LRSAM1: variants seen among roughly 807,000 people sequenced by gnomAD.
LRSAM1 encodes E3 ubiquitin-protein ligase LRSAM1.
LRSAM1 carries 96 observed loss-of-function variants against 118.1 expected under a neutral mutation model. The observed-to-expected ratio is 0.81, with a 90% CI of 0.69 to 0.96. The LOEUF is 0.96. Among genes scored for constraint, LRSAM1 ranks in the 40% least tolerant of loss-of-function variants. The pLI, the probability that LRSAM1 is intolerant of heterozygous loss-of-function variation, is 0.00. For synonymous variants in LRSAM1, 322 were observed against 364.2 expected, an observed-to-expected ratio of 0.88 and a Z score of 1.32; for missense variants, 804 against 915.5, an observed-to-expected ratio of 0.88 and a Z score of 1.57.
rs1835774472 is a variant in LRSAM1 at position 127,487,466 on chromosome 9, A to G, written c.1260-210A>G. 1.5e-5 allele frequency: 8 copies of G among 524,882 alleles called. 2 individuals carry two copies. In the Admixed American group the frequency reaches 1.9e-4, roughly 12 times the overall value. The allele number at this position is 524,882 out of a possible 1,614,324, so 32.5% of individuals were successfully genotyped here. On this transcript the variant is annotated intron_variant, in intron 17 of 25. Transcript: ENST00000300417. ...GAGGACCTGGAAGCATCTCTCTCCC[A>G]GCTCCCAACTCGATCCCCTTCCCTC...
At chr9:127,479,326 T>C in intron 12 of LRSAM1, 57 bp from the exon 13 acceptor site, 1 of 1,613,284 alleles carries the variant, frequency 6.2e-7, no homozygotes, top group Non-Finnish European at 8.5e-7. Context: ...TCCCGACTTC[T>C]GTGTCCTAAC....
intron 9 of LRSAM1, among the ~76,000 whole-genome samples, chr9:127,464,828 A>C (rs1029059737): frequency 1.3e-5 from 2 of 151,796 alleles, no homozygotes; most frequent in Admixed American, 1.3e-4. Context: ...TTTTTTGTAG[A>C]GATGAGGTCC....
chr9:127,498,632 C>A (rs1836247135), intron 24 of LRSAM1, among the ~76,000 whole-genome samples: 1 of 152,242 alleles, frequency 6.6e-6, no homozygotes, highest in South Asian at 2.1e-4. Context: ...CTGCTCAGGG[C>A]TTCCTGCTTG....
At chr9:127,501,906 A>T (rs1398114821) in intron 25 of LRSAM1, among the ~76,000 whole-genome samples, 1 of 152,248 alleles carries the variant, frequency 6.6e-6, no homozygotes, top group Non-Finnish European at 1.5e-5. Context: ...GACTCATGCC[A>T]TGATATGGAT....
At chr9:127,485,857 C>T (rs773571707) in intron 17 of LRSAM1, 22 bp downstream of exon 17, 1 of 1,611,244 alleles carries the variant, frequency 6.2e-7, no homozygotes, top group Non-Finnish European at 8.5e-7. Context: ...AAGAGGAGTC[C>T]CAGGTGAGGG....
chr9:127,457,491 G>A (rs1834563951), intron 6 of LRSAM1, 98 bp downstream of exon 6: 2 of 1,071,042 alleles, frequency 1.9e-6, no homozygotes, highest in African/African-American at 3.1e-5. Context: ...CATGTCAGAG[G>A]GGCCCAATCT....
intron 11 of LRSAM1, among the ~76,000 whole-genome samples, chr9:127,476,663 G>T (rs950917546): frequency 1.3e-5 from 2 of 152,046 alleles, no homozygotes; most frequent in Non-Finnish European, 2.9e-5. Flanking sequence ...ATTTTCGAGG[G>T]TGATGGAATT....
intron 5 of LRSAM1, among the ~76,000 whole-genome samples, chr9:127,456,950 G>A (rs973456124): frequency 3.3e-5 from 5 of 152,028 alleles, no homozygotes; most frequent in Middle Eastern, 6.9e-3. Context: ...GAAGTTTTGC[G>A]CATGAGCTTT....
chr9:127,459,199 T>G, intron 7 of LRSAM1, 128 bp downstream of exon 7: 31 of 766,448 alleles, frequency 4.0e-5, no homozygotes, highest in Non-Finnish European at 5.7e-5. Context: ...AGCTCCACCC[T>G]CCCCTTGGCC....
At chr9:127,469,828 G>A (rs1297731516) in intron 10 of LRSAM1, among the ~76,000 whole-genome samples, 1 of 152,122 alleles carries the variant, frequency 6.6e-6, no homozygotes, top group Non-Finnish European at 1.5e-5. Context: ...AGCAAGGCGT[G>A]GTGGCGGGCG....
chr9:127,503,236 C>G lies in LRSAM1; in HGVS notation c.*337C>G. The G allele has an allele frequency of 2.7e-6, 1 of 372,680 alleles. No individual in the cohort carries two copies. The highest frequency in any genetic ancestry group is 6.5e-5 in the East Asian group (1 of 15,356). The allele number at this position is 372,680 out of a possible 1,614,324, so 23.1% of individuals were successfully genotyped here. ...CTGAAGGCCACCGCCCCTGCAGGAG[C>G]TTGGGTCCTCATCTGGGGGCCATGC... is the stretch of plus-strand genomic sequence containing the variant. On this transcript the variant is annotated 3_prime_UTR_variant, in exon 26 of 26. Coordinates refer to ENST00000300417, the MANE Select transcript of LRSAM1 (RefSeq NM_001005373.4).
At chr9:127,454,899 G>A in intron 3 of LRSAM1, 99 bp from the exon 4 acceptor site, 1 of 1,175,194 alleles carries the variant, frequency 8.5e-7, no homozygotes, top group Non-Finnish European at 1.3e-6. Flanking sequence ...AGTGTCTATG[G>A]TCCTTTGCAG....
chr9:127,458,459 A>G (rs1048597721), intron 6 of LRSAM1, among the ~76,000 whole-genome samples: 6 of 151,958 alleles, frequency 3.9e-5, no homozygotes, highest in African/African-American at 7.2e-5. Context: ...TTGTGCTTGT[A>G]ATCCCAGCTA....
Position 127,491,287 on chromosome 9 carries a change from T to C in LRSAM1, c.1495T>C (p.Ser499Pro), listed in dbSNP as rs1323239861. 1.2e-6 allele frequency: 2 copies of C among 1,613,440 alleles called. No individual in the cohort carries two copies. The highest frequency in any genetic ancestry group is 1.7e-6 in the Non-Finnish European group (2 of 1,179,768). Reference sequence around the variant, plus strand: ...AAAGAGGAAGTCCCTGGACACAGAGTCACTCCAGGTATGTAGGGCTCCCTG... The same window carrying C: ...AAAGAGGAAGTCCCTGGACACAGAGCCACTCCAGGTATGTAGGGCTCCCTG... ...ELKRKSLDTESLQEMISEQRW... is the reference protein window; with the variant it reads ...ELKRKSLDTEPLQEMISEQRW... The change falls in exon 20 of 26, where the codon TCA (serine) becomes CCA (proline). Residue 499 changes from serine to proline, a missense_variant. Ser to Pro is a moderately conservative substitution (Grantham distance 74, BLOSUM62 -1). Coordinates refer to ENST00000300417, the MANE Select transcript of LRSAM1 (RefSeq NM_001005373.4).
rs747384782 is a variant in LRSAM1 at position 127,487,740 on chromosome 9, G to A, written c.1324G>A (p.Ala442Thr). Reference sequence around the variant, plus strand: ...GTGGCAGCAAATGGATCAGAACAAAGCCATCAGCCAGATCCTGCAGGAGGT... The same window carrying A: ...GTGGCAGCAAATGGATCAGAACAAAACCATCAGCCAGATCCTGCAGGAGGT... The part of the protein sequence containing the change: ...LSWQQMDQNK[A>T]ISQILQESAM... Residue 442 changes from alanine to threonine, a missense_variant, in exon 18 of 26, where the codon GCC (alanine) becomes ACC (threonine). Coordinates refer to ENST00000300417, the MANE Select transcript of LRSAM1 (RefSeq NM_001005373.4). The A allele has an allele frequency of 3.0e-5, 48 of 1,613,378 alleles. No homozygotes were observed. The highest frequency in any genetic ancestry group is 3.9e-5 in the Non-Finnish European group (46 of 1,179,716).
At chr9:127,469,283 A>T in intron 10 of LRSAM1, among the ~76,000 whole-genome samples, 1 of 152,120 alleles carries the variant, frequency 6.6e-6, no homozygotes, top group Non-Finnish European at 1.5e-5. Context: ...CAGCCTGGTC[A>T]ACATGGTAAA....
chr9:127,496,639 C>G (rs1326093711), intron 23 of LRSAM1, among the ~76,000 whole-genome samples: 1 of 152,208 alleles, frequency 6.6e-6, no homozygotes, highest in Non-Finnish European at 1.5e-5. Context: ...TTATCATCAT[C>G]TTTCAGTTGA....
intron 7 of LRSAM1, 49 bp from the exon 8 acceptor site, chr9:127,461,124 G>A (rs556828856): frequency 1.3e-5 from 20 of 1,482,768 alleles, no homozygotes; most frequent in Non-Finnish European, 1.6e-5. Context: ...AAAGTGCTGG[G>A]ATTACAGGCA....
intron 24 of LRSAM1, among the ~76,000 whole-genome samples, chr9:127,498,806 C>T (rs2488902): frequency 0.41 from 61,731 of 151,920 alleles, 13,714 homozygotes; most frequent in Non-Finnish European, 0.5. Flanking sequence ...CACCTGTAAT[C>T]CCAGCACTTT....
Sources: gnomAD v4.1 joint callset for allele counts (sites outside exome capture counted in the v4.1 genomes callset) on GRCh38, gnomAD v4.1.1 for gene constraint, MANE v1.5 for transcripts, NCBI Gene and HGNC (gene_info 2026-07-23, HGNC 2026-07-21) for gene names.